The following WWOX variants were observed in gnomAD, a reference collection of about 807,000 sequenced individuals.
The protein encoded by WWOX is WW domain-containing oxidoreductase.
In WWOX, 69 loss-of-function variants were observed where a neutral mutation model predicts 46.2. That is an observed-to-expected ratio of 1.49 (90% CI 1.23 to 1.82). The LOEUF (loss-of-function observed/expected upper bound fraction) is 1.82, where lower values mean the gene tolerates loss of function less well. WWOX is among the 40% of genes most tolerant of loss of function. WWOX has a pLI of 0.00. For synonymous variants in WWOX, 359 were observed against 202.6 expected (o/e 1.77, Z -6.56); for missense variants, 919 against 542.6 (o/e 1.69, Z -6.89).
chr16:78,716,768 C>T (rs1487821758), intron 8 of WWOX, among the ~76,000 whole-genome samples: 1 of 152,140 alleles, frequency 6.6e-6, no homozygotes, highest in Non-Finnish European at 1.5e-5. Flanking sequence ...GCAGGATCTT[C>T]CTTATAGTCC....
intron 6 of WWOX, among the ~76,000 whole-genome samples, chr16:78,408,952 A>C (rs1240652479): frequency 6.6e-6 from 1 of 152,164 alleles, no homozygotes; most frequent in Admixed American, 6.5e-5. Flanking sequence ...TAATTTTTCT[A>C]CTGTACAGAT....
intron 8 of WWOX, among the ~76,000 whole-genome samples, chr16:79,103,642 C>T (rs989832644): frequency 6.6e-6 from 1 of 152,082 alleles, no homozygotes; most frequent in Admixed American, 6.5e-5. Flanking sequence ...TTAACAAATC[C>T]AGTAACATTT....
chr16:78,463,125 C>T (rs540108407), intron 8 of WWOX, among the ~76,000 whole-genome samples: 2 of 152,252 alleles, frequency 1.3e-5, no homozygotes, highest in Admixed American at 6.5e-5. Context: ...TTCTGTGTTA[C>T]TGTAGGAGAT....
intron 8 of WWOX, among the ~76,000 whole-genome samples, chr16:78,586,381 G>T (rs192368737): frequency 1.5e-4 from 23 of 152,154 alleles, no homozygotes; most frequent in Admixed American, 1.4e-3. Flanking sequence ...CCATGTCTCA[G>T]TTTCCTTCCT....
intron 8 of WWOX, among the ~76,000 whole-genome samples, chr16:79,063,998 A>G (rs369794534): frequency 6.6e-6 from 1 of 152,244 alleles, no homozygotes; most frequent in Non-Finnish European, 1.5e-5. Flanking sequence ...TAGCCAGGCC[A>G]TTTGAGGACA....
At chr16:78,935,927 A>T (rs565990370) in intron 8 of WWOX, among the ~76,000 whole-genome samples, 168 of 152,144 alleles carry the variant, frequency 1.1e-3, no homozygotes, top group African/African-American at 3.7e-3. Context: ...AAAATAAAAT[A>T]AAATAAGCAG....
chr16:78,300,585 A>T (rs2080022834), intron 5 of WWOX, among the ~76,000 whole-genome samples: 1 of 148,492 alleles, frequency 6.7e-6, no homozygotes, highest in South Asian at 2.1e-4. Flanking sequence ...TTCGCATCTG[A>T]CATCTCCAAA....
intron 8 of WWOX, among the ~76,000 whole-genome samples, chr16:79,007,833 C>T (rs550927630): frequency 6.6e-6 from 1 of 152,328 alleles, no homozygotes; most frequent in East Asian, 1.9e-4. Context: ...ATCATAACCT[C>T]TGCCCTTTAT....
chr16:78,495,632 C>G (rs2084899009), intron 8 of WWOX, among the ~76,000 whole-genome samples: 1 of 151,770 alleles, frequency 6.6e-6, no homozygotes, highest in South Asian at 2.1e-4. Flanking sequence ...CCTCAACCTC[C>G]CGAGTAGCTG....
chr16:79,071,912 G>C (rs2048558609), intron 8 of WWOX, among the ~76,000 whole-genome samples: 1 of 152,132 alleles, frequency 6.6e-6, no homozygotes, highest in South Asian at 2.1e-4. Context: ...TGGGTGGTAG[G>C]GTGGCCAAAC....
chr16:78,492,490 G>A (rs180732004), intron 8 of WWOX, among the ~76,000 whole-genome samples: 66 of 152,244 alleles, frequency 4.3e-4, no homozygotes, highest in Non-Finnish European at 7.2e-4. Flanking sequence ...TGCATGTAAC[G>A]TACAGAACAC....
intron 5 of WWOX, among the ~76,000 whole-genome samples, chr16:78,205,305 C>G (rs1267775404): frequency 6.6e-6 from 1 of 152,102 alleles, no homozygotes; most frequent in Non-Finnish European, 1.5e-5. Context: ...AAAATGCCAC[C>G]AAACAATAAG....
At position 78,398,298 on chromosome 16, in the gene WWOX, C is replaced by T. The variant is rs1187680380; in HGVS notation, c.605+11350C>T. 3.3e-5 allele frequency among the ~76,000 whole-genome samples: 5 copies of T among 152,294 alleles called. No homozygotes were observed. The East Asian group carries it at 5.8e-4, about 18-fold the overall frequency. ...CATGTCACCTGTGGCCATGTCTTCC[C>T]CAACCCAGGCTTCTCTGCTCCGCTG... On this transcript the variant is annotated intron_variant, in intron 6 of 8. Transcript: ENST00000566780.
At chr16:78,418,115 CT>C (rs1320432190) in intron 6 of WWOX, among the ~76,000 whole-genome samples, 1 of 152,172 alleles carries the variant, frequency 6.6e-6, no homozygotes, top group Non-Finnish European at 1.5e-5. Flanking sequence ...AATCCCAACA[CT>C]TTGGGAGGCT....
intron 8 of WWOX, among the ~76,000 whole-genome samples, chr16:78,446,099 G>T (rs1366460062): frequency 1.3e-5 from 2 of 152,160 alleles, no homozygotes; most frequent in African/African-American, 4.8e-5. Context: ...TGGTATTGAT[G>T]TGTTTTTCTT....
intron 8 of WWOX, among the ~76,000 whole-genome samples, chr16:78,508,728 G>T (rs1285420035): frequency 1.3e-5 from 2 of 152,194 alleles, no homozygotes; most frequent in Non-Finnish European, 2.9e-5. Flanking sequence ...GGGAAGCAGA[G>T]CGTGAATGCC....
At chr16:78,704,757 C>A (rs1469423759) in intron 8 of WWOX, among the ~76,000 whole-genome samples, 1 of 152,106 alleles carries the variant, frequency 6.6e-6, no homozygotes, top group Non-Finnish European at 1.5e-5. Flanking sequence ...ATTATTTTCT[C>A]CCTGTTGACT....
chr16:78,760,021 G>C (rs534042453), intron 8 of WWOX, among the ~76,000 whole-genome samples: 1 of 152,110 alleles, frequency 6.6e-6, no homozygotes, highest in African/African-American at 2.4e-5. Flanking sequence ...GGCTCATCCA[G>C]GATGTATTTG....
chr16:78,324,184 A>G (rs1236113423), intron 5 of WWOX, among the ~76,000 whole-genome samples: 7 of 152,046 alleles, frequency 4.6e-5, no homozygotes. Context: ...TCCTCAAGGC[A>G]AGGAACTGAG....
Sources: gnomAD v4.1 joint callset for allele counts (sites outside exome capture counted in the v4.1 genomes callset) on GRCh38, gnomAD v4.1.1 for gene constraint, MANE v1.5 for transcripts, NCBI Gene and HGNC (gene_info 2026-07-23, HGNC 2026-07-21) for gene names.